The following KIAA1217 variants were observed in gnomAD, a reference collection of about 807,000 sequenced individuals.
KIAA1217 encodes the protein sickle tail protein homolog.
A neutral mutation model predicts 163.9 loss-of-function variants in KIAA1217; 88 were observed. The ratio of observed to expected loss-of-function variants is 0.54; its 90% confidence interval spans 0.45 to 0.64. The LOEUF is 0.64. KIAA1217 is among the 30% of genes least tolerant of loss of function. KIAA1217 has a pLI of 0.00. For missense variants in KIAA1217, 2,372 were observed against 2,475.0 expected (o/e 0.96, Z 0.88); for synonymous variants, 903 against 923.1 (o/e 0.98, Z 0.39).
intron 1 of KIAA1217, among the ~76,000 whole-genome samples, chr10:23,715,444 A>T (rs1837505608): frequency 6.6e-6 from 1 of 152,190 alleles, no homozygotes; most frequent in Admixed American, 6.6e-5. Context: ...GGAGCTTGAG[A>T]TTCCATTAGA....
chr10:24,047,909 G>T (rs1184612589), intron 2 of KIAA1217, among the ~76,000 whole-genome samples: 1 of 152,194 alleles, frequency 6.6e-6, no homozygotes, highest in Admixed American at 6.5e-5. Context: ...TTGAAAAGGT[G>T]CACTCAGTGT....
At chr10:24,039,797 GATAGAT>G (rs71923161) in intron 2 of KIAA1217, among the ~76,000 whole-genome samples, 58,981 of 147,194 alleles carry the variant, frequency 0.4, 12,456 homozygotes, top group East Asian at 0.8. Flanking sequence ...TATAGATATA[GATAGAT>G]ATAGATATAG....
At chr10:24,351,787 A>G (rs187770498) in intron 2 of KIAA1217, among the ~76,000 whole-genome samples, 1 of 152,268 alleles carries the variant, frequency 6.6e-6, no homozygotes, top group Admixed American at 6.5e-5. Context: ...AATGAAGTCC[A>G]CAGTCCCTGC....
intron 5 of KIAA1217, among the ~76,000 whole-genome samples, chr10:24,472,911 C>T (rs991452945): frequency 1.3e-5 from 2 of 152,148 alleles, no homozygotes; most frequent in African/African-American, 4.8e-5. Flanking sequence ...GGCCCCTTCT[C>T]ATAGCACCTT....
chr10:24,217,301 A>G (rs555838052), intron 1 of KIAA1217, among the ~76,000 whole-genome samples: 10 of 152,292 alleles, frequency 6.6e-5, no homozygotes, highest in South Asian at 4.2e-4. Context: ...AATAAATGAA[A>G]TGACAGTTTA....
intron 1 of KIAA1217, among the ~76,000 whole-genome samples, chr10:23,780,981 A>C (rs1835233414): frequency 6.6e-6 from 1 of 152,060 alleles, no homozygotes; most frequent in African/African-American, 2.4e-5. Context: ...ACACCTGGAC[A>C]CCGGATTTTC....
At chr10:23,733,023 T>G (rs548012207) in intron 1 of KIAA1217, among the ~76,000 whole-genome samples, 5 of 151,600 alleles carry the variant, frequency 3.3e-5, no homozygotes, top group Middle Eastern at 3.4e-3. Context: ...ATGTTTTTGT[T>G]TTTTTTTTGA....
chr10:24,146,015 T>A (rs2064293603), intron 2 of KIAA1217, among the ~76,000 whole-genome samples: 1 of 152,198 alleles, frequency 6.6e-6, no homozygotes, highest in South Asian at 2.1e-4. Flanking sequence ...CTTTGCATCC[T>A]TCAATCCAAT....
At chr10:24,372,190 A>T (rs1298262851) in intron 2 of KIAA1217, among the ~76,000 whole-genome samples, 1 of 152,190 alleles carries the variant, frequency 6.6e-6, no homozygotes, top group Non-Finnish European at 1.5e-5. Flanking sequence ...GCCAAGGAAG[A>T]AGGCTTTGAT....
intron 2 of KIAA1217, among the ~76,000 whole-genome samples, chr10:24,162,362 G>A (rs2065158311): frequency 6.6e-6 from 1 of 152,204 alleles, no homozygotes; most frequent in Non-Finnish European, 1.5e-5. Flanking sequence ...GTTTTGCCAA[G>A]GGAAGTTGAG....
chr10:23,960,787 C>G lies in KIAA1217; in HGVS notation c.-320-46438C>G, dbSNP rs149426274. On this transcript the variant is annotated intron_variant, in intron 1 of 18. Transcript: ENST00000376462. ...TGGCTAGCTGCTTAATAGTTCATCT[C>G]ATATTTCATGTAATCATTCTTACAT... 5.1e-3 allele frequency among the ~76,000 whole-genome samples: 784 copies of G among 152,282 alleles called. 3 individuals carry two copies. The highest frequency in any genetic ancestry group is 0.018 in the African/African-American group (743 of 41,560).
intron 1 of KIAA1217, among the ~76,000 whole-genome samples, chr10:23,796,131 C>A (rs1307551962): frequency 2.0e-5 from 3 of 152,088 alleles, no homozygotes; most frequent in African/African-American, 7.2e-5. Context: ...TGTCTTCTTA[C>A]ATGCCATGCA....
chr10:24,342,103 CA>C (rs2047170860), intron 2 of KIAA1217, among the ~76,000 whole-genome samples: 1 of 152,226 alleles, frequency 6.6e-6, no homozygotes, highest in Admixed American at 6.5e-5. Context: ...GTACACTGTA[CA>C]CGTCCTAGTC....
chr10:23,987,184 G>T (rs990857060), intron 1 of KIAA1217, among the ~76,000 whole-genome samples: 7 of 151,566 alleles, frequency 4.6e-5, no homozygotes, highest in Admixed American at 2.0e-4. Context: ...GAGACCATCC[G>T]GGCTAACATG....
intron 1 of KIAA1217, among the ~76,000 whole-genome samples, chr10:23,831,179 C>T (rs1838174582): frequency 6.6e-6 from 1 of 151,716 alleles, no homozygotes; most frequent in South Asian, 2.1e-4. Context: ...AGAGTTCAAA[C>T]AGGGGAAATT....
At chr10:23,949,207 C>T (rs937988847) in intron 1 of KIAA1217, among the ~76,000 whole-genome samples, 1 of 152,028 alleles carries the variant, frequency 6.6e-6, no homozygotes, top group Non-Finnish European at 1.5e-5. Flanking sequence ...TTTCACAAAC[C>T]GTGTGAAACC....
intron 2 of KIAA1217, among the ~76,000 whole-genome samples, chr10:24,282,407 C>T (rs1057370611): frequency 6.6e-6 from 1 of 152,154 alleles, no homozygotes; most frequent in Non-Finnish European, 1.5e-5. Context: ...GTTCCCCCTC[C>T]TTCAGGGTGG....
At chr10:24,153,691 T>C (rs996215720) in intron 2 of KIAA1217, among the ~76,000 whole-genome samples, 2 of 152,218 alleles carry the variant, frequency 1.3e-5, no homozygotes, top group African/African-American at 4.8e-5. Context: ...TGCATTGTTA[T>C]TGAATTACAG....
chr10:23,734,222 C>T (rs1310308963), intron 1 of KIAA1217, among the ~76,000 whole-genome samples: 1 of 151,994 alleles, frequency 6.6e-6, no homozygotes, highest in Non-Finnish European at 1.5e-5. Context: ...CTTATCTTCC[C>T]TTCATTGGAA....
Sources: gnomAD v4.1 joint callset for allele counts (sites outside exome capture counted in the v4.1 genomes callset) on GRCh38, gnomAD v4.1.1 for gene constraint, MANE v1.5 for transcripts, NCBI Gene and HGNC (gene_info 2026-07-23, HGNC 2026-07-21) for gene names.